The following RCAN2 variants were observed in gnomAD, a reference collection of about 807,000 sequenced individuals.
RCAN2 encodes calcipressin-2.
A neutral mutation model predicts 23.6 loss-of-function variants in RCAN2; 9 were observed. The ratio of observed to expected loss-of-function variants is 0.38; its 90% confidence interval spans 0.23 to 0.67. The LOEUF (loss-of-function observed/expected upper bound fraction) is 0.67, where lower values mean the gene tolerates loss of function less well. Ranked by LOEUF, RCAN2 falls within the 30% of genes least tolerant of loss-of-function variation. The pLI is 0.51. For synonymous variants in RCAN2, 109 were observed against 115.7 expected (o/e 0.94, Z 0.37); for missense variants, 273 against 302.3 (o/e 0.90, Z 0.72).
chr6:46,259,733 A>C (rs1381380134), intron 2 of RCAN2, among the ~76,000 whole-genome samples: 1 of 152,176 alleles, frequency 6.6e-6, no homozygotes, highest in African/African-American at 2.4e-5. Flanking sequence ...CACCAATTGC[A>C]CGTCCAGGCT....
intron 2 of RCAN2, among the ~76,000 whole-genome samples, chr6:46,289,239 T>A (rs968094828): frequency 1.3e-5 from 2 of 151,544 alleles, no homozygotes; most frequent in Non-Finnish European, 2.9e-5. Flanking sequence ...CTTCACTATT[T>A]TTTCCCCCCA....
chr6:46,395,013 T>G (rs916314958), intron 2 of RCAN2, among the ~76,000 whole-genome samples: 7 of 151,728 alleles, frequency 4.6e-5, no homozygotes, highest in African/African-American at 1.7e-4. Flanking sequence ...GAAGGAAGAG[T>G]TGCTATTTCC....
intron 1 of RCAN2, among the ~76,000 whole-genome samples, chr6:46,468,431 G>C (rs1417917943): frequency 6.6e-6 from 1 of 152,130 alleles, no homozygotes; most frequent in African/African-American, 2.4e-5. Context: ...TGAAAACCCT[G>C]TCAGGGCTTA....
intron 2 of RCAN2, among the ~76,000 whole-genome samples, chr6:46,447,097 A>G (rs187459217): frequency 3.6e-3 from 545 of 152,218 alleles, no homozygotes; most frequent in South Asian, 0.013. Context: ...ACTGCCTACA[A>G]TAGACACACT....
intron 4 of RCAN2, among the ~76,000 whole-genome samples, chr6:46,242,424 A>T (rs1314732059): frequency 6.6e-6 from 1 of 152,300 alleles, no homozygotes; most frequent in East Asian, 1.9e-4. Flanking sequence ...CCCGAGTCCC[A>T]TCTCACTCTG....
At chr6:46,330,447 A>G (rs537372910) in intron 2 of RCAN2, among the ~76,000 whole-genome samples, 36 of 152,336 alleles carry the variant, frequency 2.4e-4, no homozygotes, top group Admixed American at 2.4e-3. Context: ...TTCATTTATA[A>G]ATATTTCAGT....
intron 2 of RCAN2, among the ~76,000 whole-genome samples, chr6:46,250,833 C>T (rs1198410139): frequency 6.6e-6 from 1 of 152,170 alleles, no homozygotes; most frequent in Non-Finnish European, 1.5e-5. Flanking sequence ...GGAGGAGTAA[C>T]TCGAATGTCA....
intron 2 of RCAN2, among the ~76,000 whole-genome samples, chr6:46,329,925 C>T (rs1244813030): frequency 2.0e-5 from 3 of 152,212 alleles, no homozygotes; most frequent in Admixed American, 1.3e-4. Flanking sequence ...GAGATGCACA[C>T]CTTCCAATCC....
At chr6:46,460,319 C>T (rs1267536990) in intron 1 of RCAN2, among the ~76,000 whole-genome samples, 1 of 152,176 alleles carries the variant, frequency 6.6e-6, no homozygotes, top group South Asian at 2.1e-4. Flanking sequence ...ATTTTGGTTT[C>T]ACAAAGTGCT....
chr6:46,440,807 AG>A, intron 2 of RCAN2, among the ~76,000 whole-genome samples: 1 of 152,334 alleles, frequency 6.6e-6, no homozygotes, highest in Non-Finnish European at 1.5e-5. Flanking sequence ...TCCTGGAACT[AG>A]TTCTAAAAGA....
intron 1 of RCAN2, among the ~76,000 whole-genome samples, chr6:46,472,027 GGGT>G (rs1238011157): frequency 2.0e-5 from 3 of 152,152 alleles, no homozygotes; most frequent in Non-Finnish European, 4.4e-5. Flanking sequence ...GTAAGGAAGT[GGGT>G]GGAGAACAGG....
At chr6:46,436,747 T>C (rs1767378446) in intron 2 of RCAN2, among the ~76,000 whole-genome samples, 1 of 152,188 alleles carries the variant, frequency 6.6e-6, no homozygotes, top group South Asian at 2.1e-4. Context: ...GCACAACTAA[T>C]AAGCAGTGGA....
chr6:46,434,092 C>T (rs1187110693), intron 2 of RCAN2, among the ~76,000 whole-genome samples: 1 of 152,176 alleles, frequency 6.6e-6, no homozygotes, highest in Non-Finnish European at 1.5e-5. Context: ...CTCCCTCTGA[C>T]CAATGTGCTG....
chr6:46,229,612 A>G (rs1039939145), intron 4 of RCAN2, among the ~76,000 whole-genome samples: 4 of 152,142 alleles, frequency 2.6e-5, no homozygotes, highest in African/African-American at 9.7e-5. Context: ...CATGGTTTTC[A>G]GCTCCATCAG....
intron 1 of RCAN2, among the ~76,000 whole-genome samples, chr6:46,490,090 A>T (rs1237604928): frequency 6.6e-6 from 1 of 152,160 alleles, no homozygotes; most frequent in Non-Finnish European, 1.5e-5. Flanking sequence ...TTCGTTTTGA[A>T]GTGATGTAAT....
At chr6:46,286,684 A>G (rs1350218317) in intron 2 of RCAN2, among the ~76,000 whole-genome samples, 3 of 152,182 alleles carry the variant, frequency 2.0e-5, no homozygotes, top group Non-Finnish European at 4.4e-5. Flanking sequence ...TGGACTGAAG[A>G]ACAGACATGC....
intron 2 of RCAN2, among the ~76,000 whole-genome samples, chr6:46,446,989 C>T (rs1767732056): frequency 6.6e-6 from 1 of 151,974 alleles, no homozygotes; most frequent in South Asian, 2.1e-4. Flanking sequence ...TCTTACCTAT[C>T]AATTAATTCT....
At chr6:46,327,166 G>A (rs1763819591) in intron 2 of RCAN2, among the ~76,000 whole-genome samples, 1 of 152,188 alleles carries the variant, frequency 6.6e-6, no homozygotes, top group Admixed American at 6.5e-5. Context: ...ATAAGACATG[G>A]AGACCAACAT....
chr6:46,482,452 T>G (rs1472497990), intron 1 of RCAN2, among the ~76,000 whole-genome samples: 4 of 152,040 alleles, frequency 2.6e-5, no homozygotes, highest in Non-Finnish European at 4.4e-5. Flanking sequence ...TGGGATTGTG[T>G]TTTTGGAAAT....
Sources: allele counts gnomAD v4.1 joint callset (sites outside exome capture counted in the v4.1 genomes callset), GRCh38; gene constraint gnomAD v4.1.1; transcripts MANE v1.5; gene names NCBI Gene and HGNC (gene_info 2026-07-23, HGNC 2026-07-21).